Variants in P4HA1 observed in about 807,000 individuals in gnomAD.
P4HA1 encodes prolyl 4-hydroxylase subunit alpha-1.
Under a neutral mutation model 72.8 loss-of-function variants are expected in P4HA1, and 24 were observed. That is an observed-to-expected ratio of 0.33 (90% confidence interval 0.24 to 0.46). The LOEUF is 0.46. Among genes scored for constraint, P4HA1 ranks in the 20% least tolerant of loss-of-function variants. The pLI, the probability that P4HA1 is intolerant of heterozygous loss-of-function variation, is 1.00. For missense variants in P4HA1, 446 were observed against 640.6 expected (o/e 0.70, Z 3.28); for synonymous variants, 201 against 218.8 (o/e 0.92, Z 0.72).
At chr10:73,054,885 G>A (rs939934610) in intron 5 of P4HA1, among the ~76,000 whole-genome samples, 4 of 152,004 alleles carry the variant, frequency 2.6e-5, no homozygotes, top group African/African-American at 9.7e-5. Context: ...ATTTCCATTT[G>A]TGTATCTTCT....
Position 73,053,368 on chromosome 10 carries a change from T to C in P4HA1, c.686A>G (p.Lys229Arg). ...TAACATACCTAGTTCAAGAAGCTTC[T>C]TTGTGAGCAAAAGTGCCTTATCCAG... ...GDLDKALLLT[K>R]KLLELDPEHQ... is the part of the protein sequence containing the mutation. Residue 229 changes from lysine (K) to arginine (R), a missense_variant, in exon 6 of 15, where the codon AAG (lysine) becomes AGG (arginine). By Grantham distance (26) the Lys-to-Arg change is conservative. Transcript: ENST00000394890. The C allele has an allele frequency of 6.2e-7, 1 of 1,614,144 alleles. No individual in the cohort carries two copies.
At chr10:73,008,918 T>G (rs1246463975) in intron 14 of P4HA1, among the ~76,000 whole-genome samples, 1 of 151,922 alleles carries the variant, frequency 6.6e-6, no homozygotes, top group Non-Finnish European at 1.5e-5. Flanking sequence ...TCAACCCTTG[T>G]ATCTACACTT....
At chr10:73,031,641 G>C (rs992214818) in intron 9 of P4HA1, among the ~76,000 whole-genome samples, 1 of 152,064 alleles carries the variant, frequency 6.6e-6, no homozygotes, top group African/African-American at 2.4e-5. Flanking sequence ...GGATGGGGAT[G>C]GGGCTGGGGG....
At chr10:73,077,671 G>A (rs1357277356) in intron 1 of P4HA1, among the ~76,000 whole-genome samples, 3 of 151,990 alleles carry the variant, frequency 2.0e-5, no homozygotes, top group African/African-American at 7.3e-5. Flanking sequence ...TAAAAGCAGA[G>A]AATTTCTAAA....
intron 1 of P4HA1, among the ~76,000 whole-genome samples, chr10:73,091,060 CAAAAAAAAAAAAAA>C (rs202009101): frequency 0.3 from 14,726 of 49,602 alleles, 1,244 homozygotes; most frequent in East Asian, 0.52. Flanking sequence ...GAGTCCATCT[CAAAAAAAAAAAAAA>C]AAAAAAAAAA....
chr10:73,079,410 G>A (rs982272245), intron 1 of P4HA1, among the ~76,000 whole-genome samples: 8 of 152,018 alleles, frequency 5.3e-5, no homozygotes, highest in African/African-American at 1.5e-4. Flanking sequence ...ATGTGCTACC[G>A]CACTCTAGCC....
At chr10:73,043,814 G>C (rs1235122546) in intron 9 of P4HA1, 1 of 1,150,848 alleles carries the variant, frequency 8.7e-7, no homozygotes, top group Non-Finnish European at 1.3e-6. Flanking sequence ...TATATCATGA[G>C]TTTTCAGAAA....
intron 10 of P4HA1, among the ~76,000 whole-genome samples, chr10:73,029,362 A>G (rs1362566619): frequency 6.7e-6 from 1 of 150,156 alleles, no homozygotes; most frequent in Non-Finnish European, 1.5e-5. Context: ...GTGAGTCGAG[A>G]TCATGTCACT....
chr10:73,073,539 T>C lies in P4HA1; in HGVS notation c.173+192A>G, dbSNP rs375866775. On this transcript the variant is annotated intron_variant, in intron 3 of 14. Transcript: ENST00000394890. ...TCCGGCTGGTATCTATCCATATTCT[T>C]ATCCCAACCCATATTCTTCCATGTG... 5.9e-5 allele frequency among the ~76,000 whole-genome samples: 9 copies of C among 152,284 alleles called. No individual in the cohort carries two copies. The East Asian group carries it at 1.4e-3, about 23-fold the overall frequency.
intron 10 of P4HA1, among the ~76,000 whole-genome samples, chr10:73,024,733 TAGAC>T (rs1840224373): frequency 6.7e-6 from 1 of 149,474 alleles, no homozygotes; most frequent in African/African-American, 2.5e-5. Flanking sequence ...ACAAAATTGA[TAGAC>T]AGCTAGCAAG....
At chr10:73,011,093 C>A in intron 12 of P4HA1, 56 bp from the exon 13 acceptor site, 1 of 1,291,252 alleles carries the variant, frequency 7.7e-7, no homozygotes, top group South Asian at 1.2e-5. Flanking sequence ...GTAAAACATG[C>A]CATTATATAG....
At chr10:73,042,198 TTC>T (rs1840751071) in intron 9 of P4HA1, among the ~76,000 whole-genome samples, 1 of 152,290 alleles carries the variant, frequency 6.6e-6, no homozygotes, top group African/African-American at 2.4e-5. Context: ...AAAAAAATTT[TTC>T]TCTCTTACTG....
intron 9 of P4HA1, among the ~76,000 whole-genome samples, chr10:73,031,083 CAT>C (rs1307178473): frequency 1.3e-5 from 2 of 152,128 alleles, no homozygotes; most frequent in Non-Finnish European, 2.9e-5. Context: ...GGCATCATTA[CAT>C]ATAATAGCCA....
At chr10:73,053,702 T>C in intron 5 of P4HA1, 112 bp from the exon 6 acceptor site, 1 of 912,814 alleles carries the variant, frequency 1.1e-6, no homozygotes, top group East Asian at 2.5e-5. Flanking sequence ...TTCACAATAA[T>C]CCTCTGGATG....
In P4HA1 at chr10:73,008,164, A is replaced by G; in HGVS notation, c.*58T>C. The G allele has an allele frequency of 1.0e-6, 1 of 997,816 alleles. No homozygotes were observed. Among genetic ancestry groups the G allele is most frequent in the South Asian group, 1.4e-5 (1 of 71,994 alleles). 61.8% of individuals were successfully genotyped at this position (997,816 alleles called of 1,614,324 possible). On this transcript the variant is annotated 3_prime_UTR_variant, in exon 15 of 15. Coordinates refer to ENST00000394890, the MANE Select transcript of P4HA1 (RefSeq NM_001017962.3). The stretch of plus-strand genomic sequence containing the variant: ...AAACTCCTGAAAGTTAAGACTAGGA[A>G]ATGTGTATATCAGACACATAAGAGT...
Position 73,018,162 on chromosome 10 carries a change from C to T in P4HA1, c.1249-1263G>A, listed in dbSNP as rs80118415. On this transcript the variant is annotated intron_variant, in intron 10 of 14. Transcript: ENST00000394890. ...CTCCCCCAACTCCCTGAGGCAGGAGCTGCAGCCATGTACTCCCTCCCAAGA... is the reference window on the plus strand; with the variant it reads ...CTCCCCCAACTCCCTGAGGCAGGAGTTGCAGCCATGTACTCCCTCCCAAGA... 6.5e-3 allele frequency among the ~76,000 whole-genome samples: 995 copies of T among 152,294 alleles called. 9 individuals are homozygous for T. The highest frequency in any genetic ancestry group is 0.022 in the African/African-American group (922 of 41,570).
chr10:73,096,288 C>G (rs1352273345), intron 1 of P4HA1, among the ~76,000 whole-genome samples: 1 of 152,228 alleles, frequency 6.6e-6, no homozygotes, highest in Non-Finnish European at 1.5e-5. Context: ...CGCTGCGGAT[C>G]CAGCTCCAAG....
At position 73,009,879 on chromosome 10, in the gene P4HA1, G is replaced by T; in HGVS notation, c.1462C>A (p.Leu488Met). The change falls in exon 14 of 15, where the codon CTG becomes ATG. Residue 488 changes from leucine to methionine, a missense_variant. Transcript: ENST00000394890. Reference sequence around the variant, plus strand: ...TAATCTCCTTCTCCACTGGCAAACAGATTATACCAGAAAACAGCAGTTCCC... The same window carrying T: ...TAATCTCCTTCTCCACTGGCAAACATATTATACCAGAAAACAGCAGTTCCC... ...KKGTAVFWYN[L>M]FASGEGDYST... 1 of 1,607,390 alleles carries T rather than the reference G, an allele frequency of 6.2e-7. No individual in the cohort carries two copies. Among genetic ancestry groups the T allele is most frequent in the South Asian group, 1.1e-5 (1 of 90,944 alleles).
intron 13 of P4HA1, 105 bp from the exon 14 acceptor site, chr10:73,010,008 GC>G: frequency 1.6e-6 from 1 of 628,054 alleles, no homozygotes; most frequent in Non-Finnish European, 2.8e-6. Context: ...TTGCTCTATC[GC>G]CCAGGCTGGA....
Sources: allele counts gnomAD v4.1 joint callset (sites outside exome capture counted in the v4.1 genomes callset), GRCh38; gene constraint gnomAD v4.1.1; transcripts MANE v1.5; gene names NCBI Gene and HGNC (gene_info 2026-07-23, HGNC 2026-07-21).